LRRC7: variants seen among roughly 807,000 people sequenced by gnomAD.
LRRC7 encodes leucine-rich repeat-containing protein 7.
Under a neutral mutation model 175.7 loss-of-function variants are expected in LRRC7, and 23 were observed. The ratio of observed to expected loss-of-function variants is 0.13; its 90% CI spans 0.09 to 0.19. The LOEUF (loss-of-function observed/expected upper bound fraction) is 0.19. Among genes scored for constraint, LRRC7 ranks in the 10% least tolerant of loss-of-function variants. The pLI is 1.00. For synonymous variants in LRRC7, 685 were observed against 680.9 expected (o/e 1.01, Z -0.09); for missense variants, 1,354 against 1,904.7 (o/e 0.71, Z 5.38).
At chr1:69,856,159 C>A (rs1325968857) in intron 7 of LRRC7, among the ~76,000 whole-genome samples, 1 of 152,104 alleles carries the variant, frequency 6.6e-6, no homozygotes, top group Non-Finnish European at 1.5e-5. Context: ...TGAATTTGAT[C>A]CTGTCATTAT....
Position 70,039,800 on chromosome 1 carries a change from C to T in LRRC7, c.3969+7C>T. 6.4e-7 allele frequency: 1 copy of T among 1,561,168 alleles called. No homozygotes were observed. Among genetic ancestry groups the T allele is most frequent in the Non-Finnish European group, 8.6e-7 (1 of 1,158,038 alleles). Reference sequence around the variant, plus strand: ...AGCTAGACGGTTAGACAGGGTATGTCTGGTGTTTCTCTGTAAGAATATCCC... The same window carrying T: ...AGCTAGACGGTTAGACAGGGTATGTTTGGTGTTTCTCTGTAAGAATATCCC... On this transcript the variant is annotated splice_region_variant and intron_variant, in intron 21 of 26. Transcript: ENST00000651989.
chr1:69,592,807 A>G (rs1646691292), intron 1 of LRRC7, among the ~76,000 whole-genome samples: 1 of 152,104 alleles, frequency 6.6e-6, no homozygotes, highest in Non-Finnish European at 1.5e-5. Context: ...TTATATTCCC[A>G]ATTTTACAAA....
chr1:69,771,585 A>G (rs1672245648), intron 3 of LRRC7, among the ~76,000 whole-genome samples: 1 of 152,200 alleles, frequency 6.6e-6, no homozygotes, highest in Non-Finnish European at 1.5e-5. Flanking sequence ...CCAATTTTTG[A>G]GAAATGATAC....
intron 22 of LRRC7, among the ~76,000 whole-genome samples, chr1:70,049,525 CA>C (rs1660591435): frequency 6.6e-6 from 1 of 152,056 alleles, no homozygotes; most frequent in African/African-American, 2.4e-5. Context: ...ACCTGTCCCT[CA>C]AGAAAGATTC....
At chr1:70,119,100 G>A (rs1458960316) in intron 26 of LRRC7, among the ~76,000 whole-genome samples, 4 of 150,698 alleles carry the variant, frequency 2.7e-5, no homozygotes, top group East Asian at 1.9e-4. Context: ...ATTTTTGAAC[G>A]CTTTATTCTG....
chr1:69,992,653 A>G, intron 10 of LRRC7, among the ~76,000 whole-genome samples: 1 of 152,154 alleles, frequency 6.6e-6, no homozygotes, highest in East Asian at 1.9e-4. Flanking sequence ...CCACACAACA[A>G]ATGAGTGAGG....
intron 1 of LRRC7, among the ~76,000 whole-genome samples, chr1:69,585,249 T>C (rs989417702): frequency 1.3e-4 from 20 of 152,266 alleles, no homozygotes; most frequent in African/African-American, 4.3e-4. Flanking sequence ...CTTTTCTTTA[T>C]GTAATCCTCA....
At chr1:69,791,982 C>T (rs1274178755) in intron 3 of LRRC7, 61 bp from the exon 4 acceptor site, 2 of 1,099,600 alleles carry the variant, frequency 1.8e-6, no homozygotes, top group Admixed American at 4.0e-5. Context: ...AATTTTGTTA[C>T]TGAGTTTATG....
Position 69,576,054 on chromosome 1 carries a change from A to G in LRRC7, c.2+7413A>G, listed in dbSNP as rs79035679. ...TGAGACCAACTTGGGCAATATAGTG[A>G]GATGTTGTATCTACTTTTTTTTTTT... On this transcript the variant is annotated intron_variant, in intron 1 of 26. Transcript: ENST00000651989. Among the ~76,000 whole-genome samples the G allele has an allele frequency of 4.4e-3, 598 of 136,322 alleles. 5 individuals carry two copies. The highest frequency in any genetic ancestry group is 0.016 in the African/African-American group (570 of 36,024). The allele number at this position is 136,322 out of a possible 152,430, so 89.4% of individuals were successfully genotyped here. A position where few individuals can be genotyped will look rare whatever the true frequency, so the allele number is the denominator to read the frequency against.
intron 2 of LRRC7, among the ~76,000 whole-genome samples, chr1:69,756,348 A>G (rs992591019): frequency 2.6e-5 from 4 of 151,912 alleles, no homozygotes; most frequent in African/African-American, 9.7e-5. Context: ...TTAAAAAATG[A>G]AGAACTTATC....
chr1:69,576,199 T>G (rs1645941185), intron 1 of LRRC7, among the ~76,000 whole-genome samples: 1 of 149,782 alleles, frequency 6.7e-6, no homozygotes. Context: ...ACTACTGTAC[T>G]CCAGGCTGGG....
At chr1:70,087,534 A>G (rs1462138449) in intron 24 of LRRC7, among the ~76,000 whole-genome samples, 1 of 152,148 alleles carries the variant, frequency 6.6e-6, no homozygotes, top group African/African-American at 2.4e-5. Context: ...CACACTGAAT[A>G]AGGCTAAAAT....
Position 69,808,562 on chromosome 1 carries a change from C to A in LRRC7, c.421+16402C>A, listed in dbSNP as rs773041944. 9.9e-5 allele frequency among the ~76,000 whole-genome samples: 15 copies of A among 152,138 alleles called. 1 individual carries two copies. The highest frequency in any genetic ancestry group is 1.8e-4 in the Non-Finnish European group (12 of 68,024). The stretch of plus-strand genomic sequence containing the variant: ...AAGAATGGAAATCATAACAAACAGT[C>A]TCTCAGACTACAGTGCAATCAAATT... On this transcript the variant is annotated intron_variant, in intron 4 of 26. Coordinates refer to ENST00000651989, the MANE Select transcript of LRRC7 (RefSeq NM_001370785.2).
At chr1:69,678,076 C>T (rs1660019383) in intron 1 of LRRC7, among the ~76,000 whole-genome samples, 1 of 152,070 alleles carries the variant, frequency 6.6e-6, no homozygotes, top group Non-Finnish European at 1.5e-5. Context: ...ACACTGGGGG[C>T]TGGTGCTTCA....
At chr1:69,693,127 A>G (rs529781107) in intron 2 of LRRC7, among the ~76,000 whole-genome samples, 2 of 152,300 alleles carry the variant, frequency 1.3e-5, no homozygotes, top group South Asian at 4.1e-4. Flanking sequence ...TGAACAGCAG[A>G]TTATGGAACT....
At chr1:69,961,687 T>C (rs1651105426) in intron 8 of LRRC7, among the ~76,000 whole-genome samples, 1 of 152,082 alleles carries the variant, frequency 6.6e-6, no homozygotes, top group Non-Finnish European at 1.5e-5. Context: ...ACTGCACACC[T>C]TCAATTATCT....
chr1:69,656,503 G>A (rs1053371962), intron 1 of LRRC7, among the ~76,000 whole-genome samples: 3 of 151,906 alleles, frequency 2.0e-5, no homozygotes, highest in Admixed American at 6.6e-5. Context: ...GTAGTACTTG[G>A]TTCAATTCCA....
At chr1:69,737,308 T>C (rs1668227661) in intron 2 of LRRC7, among the ~76,000 whole-genome samples, 1 of 152,074 alleles carries the variant, frequency 6.6e-6, no homozygotes, top group Admixed American at 6.6e-5. Context: ...TCACGAGATC[T>C]GATGGTCTTT....
chr1:69,895,193 T>C (rs1007832131), intron 7 of LRRC7, among the ~76,000 whole-genome samples: 3 of 152,034 alleles, frequency 2.0e-5, no homozygotes, highest in Non-Finnish European at 2.9e-5. Flanking sequence ...GATTGCGCCA[T>C]TGCACTCCAG....
Sources: gnomAD v4.1 joint callset for allele counts (sites outside exome capture counted in the v4.1 genomes callset) on GRCh38, gnomAD v4.1.1 for gene constraint, MANE v1.5 for transcripts, NCBI Gene and HGNC (gene_info 2026-07-23, HGNC 2026-07-21) for gene names.